The following NRXN3 variants were observed in gnomAD, a reference collection of about 807,000 sequenced individuals.
NRXN3 encodes neurexin 3.
Under a neutral mutation model 137.6 loss-of-function variants are expected in NRXN3, and 32 were observed. The ratio of observed to expected loss-of-function variants is 0.23; its 90% CI spans 0.18 to 0.31. NRXN3 has a LOEUF of 0.31. NRXN3 is among the 10% of genes least tolerant of loss of function. NRXN3 has a pLI of 1.00. For missense variants in NRXN3, 1,574 were observed against 2,062.5 expected (o/e 0.76, Z 4.59); for synonymous variants, 798 against 784.5 (o/e 1.02, Z -0.29).
intron 4 of NRXN3, among the ~76,000 whole-genome samples, chr14:78,342,918 C>A (rs1166883434): frequency 6.6e-6 from 1 of 152,170 alleles, no homozygotes; most frequent in Non-Finnish European, 1.5e-5. Flanking sequence ...CTCCCCCTGC[C>A]TCCCACTTTT....
At chr14:79,659,418 T>C (rs897786122) in intron 16 of NRXN3, among the ~76,000 whole-genome samples, 1 of 152,168 alleles carries the variant, frequency 6.6e-6, no homozygotes, top group Non-Finnish European at 1.5e-5. Context: ...ACAAAGAATG[T>C]AGAGAGATAG....
intron 16 of NRXN3, among the ~76,000 whole-genome samples, chr14:79,653,589 AGT>A (rs1315903111): frequency 6.6e-6 from 1 of 152,106 alleles, no homozygotes; most frequent in Non-Finnish European, 1.5e-5. Flanking sequence ...TCCTTCAAAC[AGT>A]GTTATTTTGA....
intron 10 of NRXN3, among the ~76,000 whole-genome samples, chr14:78,955,745 A>G (rs1193007065): frequency 6.6e-6 from 1 of 152,174 alleles, no homozygotes. Context: ...TCCAAACTTG[A>G]ACTACTACCA....
At chr14:79,170,752 T>A (rs2061699686) in intron 15 of NRXN3, among the ~76,000 whole-genome samples, 1 of 152,026 alleles carries the variant, frequency 6.6e-6, no homozygotes, top group Non-Finnish European at 1.5e-5. Context: ...GTACCAAATC[T>A]CTTAAAAGGA....
chr14:79,630,380 T>C (rs2098332281), intron 16 of NRXN3, among the ~76,000 whole-genome samples: 1 of 152,212 alleles, frequency 6.6e-6, no homozygotes, highest in African/African-American at 2.4e-5. Context: ...GAGCAGAATT[T>C]CAAGCCTAGT....
chr14:78,890,820 T>A (rs1265071640), intron 10 of NRXN3, among the ~76,000 whole-genome samples: 1 of 151,814 alleles, frequency 6.6e-6, no homozygotes, highest in African/African-American at 2.4e-5. Flanking sequence ...TGTCATGGGT[T>A]AAGGTGTTTG....
intron 17 of NRXN3, among the ~76,000 whole-genome samples, chr14:79,691,294 G>C (rs540800495): frequency 6.6e-6 from 1 of 151,938 alleles, no homozygotes; most frequent in Non-Finnish European, 1.5e-5. Context: ...TTCCTAACAG[G>C]CTTTATGAAT....
chr14:79,047,160 A>G (rs4517711), intron 15 of NRXN3, among the ~76,000 whole-genome samples: 55,040 of 147,868 alleles, frequency 0.37, 10,736 homozygotes, highest in Admixed American at 0.48. Flanking sequence ...AAAAAAAAAC[A>G]CACCACCACC....
chr14:79,457,072 G>C (rs957970421), intron 15 of NRXN3, among the ~76,000 whole-genome samples: 1 of 150,888 alleles, frequency 6.6e-6, no homozygotes, highest in African/African-American at 2.4e-5. Flanking sequence ...AAAGTTCATT[G>C]AAGTTCTCTA....
intron 15 of NRXN3, among the ~76,000 whole-genome samples, chr14:79,375,664 A>G (rs1260176786): frequency 6.6e-6 from 1 of 152,078 alleles, no homozygotes; most frequent in African/African-American, 2.4e-5. Flanking sequence ...TTAAATATTA[A>G]GATTAGATTA....
At chr14:79,494,639 A>G (rs2096749425) in intron 16 of NRXN3, among the ~76,000 whole-genome samples, 1 of 152,188 alleles carries the variant, frequency 6.6e-6, no homozygotes, top group South Asian at 2.1e-4. Context: ...TCTGATATAT[A>G]TTTCATCCAG....
intron 4 of NRXN3, among the ~76,000 whole-genome samples, chr14:78,522,130 G>T (rs1468247050): frequency 6.6e-6 from 1 of 152,110 alleles, no homozygotes; most frequent in Non-Finnish European, 1.5e-5. Context: ...ATGAAGGGAT[G>T]GTATGTTCAA....
intron 4 of NRXN3, among the ~76,000 whole-genome samples, chr14:78,481,809 G>C (rs1326144449): frequency 2.0e-5 from 3 of 152,088 alleles, no homozygotes. Context: ...AGCCCTCAGA[G>C]TCATCTGGCA....
At chr14:78,823,640 C>T (rs780008524) in intron 10 of NRXN3, among the ~76,000 whole-genome samples, 7 of 152,190 alleles carry the variant, frequency 4.6e-5, no homozygotes, top group Non-Finnish European at 8.8e-5. Flanking sequence ...ATCCCAGAGG[C>T]TGGGAAGCAT....
intron 15 of NRXN3, among the ~76,000 whole-genome samples, chr14:79,262,721 G>A (rs1598019864): frequency 1.3e-5 from 2 of 152,344 alleles, no homozygotes; most frequent in South Asian, 2.1e-4. Context: ...ACTCCTGTAA[G>A]TGCTGCACAC....
intron 11 of NRXN3, among the ~76,000 whole-genome samples, chr14:78,964,212 A>C (rs751717540): frequency 6.6e-6 from 1 of 152,206 alleles, no homozygotes; most frequent in African/African-American, 2.4e-5. Flanking sequence ...TGTCACTGTA[A>C]TTCTGAGCCA....
chr14:79,711,522 A>T (rs962599411), intron 19 of NRXN3, among the ~76,000 whole-genome samples: 3 of 151,564 alleles, frequency 2.0e-5, no homozygotes, highest in Admixed American at 6.6e-5. Flanking sequence ...GTCTTACTTT[A>T]TTTCCCAGGT....
chr14:79,475,425 TA>T (rs2153629895), intron 16 of NRXN3, among the ~76,000 whole-genome samples: 1 of 152,206 alleles, frequency 6.6e-6, no homozygotes, highest in South Asian at 2.1e-4. Flanking sequence ...TTTGAAAAAC[TA>T]AGATGAAGAG....
rs970599080 is a variant in NRXN3 at position 78,212,838 on chromosome 14, C to CT, written c.-703-29545dup. ...TATATTTTTACTTTTGGTAGTGGAACTTTTTTTTGGTCAAATGAAATCTTA... is the reference window on the plus strand; with the variant it reads ...TATATTTTTACTTTTGGTAGTGGAACTTTTTTTTTGGTCAAATGAAATCTTA... On this transcript the variant is annotated intron_variant, in intron 1 of 20. Coordinates refer to ENST00000335750, the MANE Select transcript of NRXN3 (RefSeq NM_001330195.2). 2.0e-5 allele frequency among the ~76,000 whole-genome samples: 3 copies of CT among 152,094 alleles called. 1 individual carries two copies. The highest frequency in any genetic ancestry group is 6.5e-5 in the Admixed American group (1 of 15,272).
Sources: gnomAD v4.1 joint callset for allele counts (sites outside exome capture counted in the v4.1 genomes callset) on GRCh38, gnomAD v4.1.1 for gene constraint, MANE v1.5 for transcripts, NCBI Gene and HGNC (gene_info 2026-07-23, HGNC 2026-07-21) for gene names.